RNF150: variants seen among roughly 807,000 people sequenced by gnomAD.
The protein encoded by RNF150 is ring finger protein 150.
A neutral mutation model predicts 39.3 loss-of-function variants in RNF150; 24 were observed. That is an observed-to-expected ratio of 0.61 (90% CI 0.44 to 0.86). RNF150 has a LOEUF of 0.86. RNF150 is among the 40% of genes least tolerant of loss of function. The probability of loss-of-function intolerance (pLI) is 0.00; values close to 1 mark genes in which losing one functional copy is unlikely to be tolerated. For missense variants in RNF150, 502 were observed against 587.8 expected, an observed-to-expected ratio of 0.85 and a Z score of 1.51; for synonymous variants, 255 against 227.3, an observed-to-expected ratio of 1.12 and a Z score of -1.10.
intron 1 of RNF150, among the ~76,000 whole-genome samples, chr4:141,145,708 G>A (rs1727189566): frequency 6.6e-6 from 1 of 152,086 alleles, no homozygotes; most frequent in South Asian, 2.1e-4. Context: ...ATTTTTGGAT[G>A]TATAAACCAA....
intron 1 of RNF150, among the ~76,000 whole-genome samples, chr4:141,190,229 A>C (rs1728083705): frequency 6.6e-6 from 1 of 152,084 alleles, no homozygotes; most frequent in Non-Finnish European, 1.5e-5. Flanking sequence ...CACCTTCTGC[A>C]TTGGTCTCGC....
chr4:140,959,572 T>C (rs558106054), intron 2 of RNF150, among the ~76,000 whole-genome samples: 1 of 151,586 alleles, frequency 6.6e-6, no homozygotes, highest in African/African-American at 2.4e-5. Context: ...CAAAGGAAAA[T>C]GGTCTCAAGA....
At chr4:141,137,567 T>C (rs1727047427), upstream of RNF150, among the ~76,000 whole-genome samples, 1 of 152,174 alleles carries the variant, frequency 6.6e-6, no homozygotes, top group Admixed American at 6.5e-5. Context: ...GAGATGAAGA[T>C]GATTGCAAGA....
intron 1 of RNF150, among the ~76,000 whole-genome samples, chr4:141,084,538 CT>C (rs556843392): frequency 1.2e-4 from 18 of 152,208 alleles, no homozygotes; most frequent in African/African-American, 4.1e-4. Context: ...ACGAAAAACA[CT>C]TTTTTCCCCC....
intron 1 of RNF150, among the ~76,000 whole-genome samples, chr4:141,068,712 G>A (rs1486772864): frequency 6.9e-6 from 1 of 145,650 alleles, no homozygotes; most frequent in Non-Finnish European, 1.5e-5. Context: ...TCTTCCATTT[G>A]TTTTTATCCT....
intron 1 of RNF150, among the ~76,000 whole-genome samples, chr4:141,019,050 ATATATATATATAT>A (rs1467019907): frequency 3.7e-4 from 3 of 8,094 alleles, no homozygotes; most frequent in African/African-American, 6.9e-4. Flanking sequence ...ATATATATAT[ATATATATATATAT>A]ATATATATAT....
chr4:140,886,211 A>G (rs1046189821), intron 6 of RNF150, among the ~76,000 whole-genome samples: 4 of 151,420 alleles, frequency 2.6e-5, no homozygotes, highest in Non-Finnish European at 5.9e-5. Flanking sequence ...AAAAAAAAAA[A>G]GAAAAGTATG....
intron 3 of RNF150, among the ~76,000 whole-genome samples, chr4:140,948,372 T>G (rs1301914070): frequency 6.6e-6 from 1 of 152,184 alleles, no homozygotes; most frequent in Non-Finnish European, 1.5e-5. Context: ...CAATACCTGC[T>G]TATATATGGA....
At chr4:140,957,464 T>C (rs1732807697) in intron 2 of RNF150, among the ~76,000 whole-genome samples, 1 of 152,186 alleles carries the variant, frequency 6.6e-6, no homozygotes, top group Non-Finnish European at 1.5e-5. Context: ...GACTGTAAAC[T>C]GGTTCAACCA....
intron 1 of RNF150, among the ~76,000 whole-genome samples, chr4:141,156,569 C>G (rs1727403845): frequency 6.6e-6 from 1 of 152,058 alleles, no homozygotes; most frequent in Admixed American, 6.6e-5. Context: ...GCATGAGTCA[C>G]TGCTCCTGGC....
chr4:141,062,670 T>C (rs763881147), intron 1 of RNF150, among the ~76,000 whole-genome samples: 1 of 152,230 alleles, frequency 6.6e-6, no homozygotes, highest in African/African-American at 2.4e-5. Context: ...ATATTCTTAA[T>C]TTTATAATTT....
chr4:140,876,535 G>T (rs1729161458), intron 6 of RNF150, among the ~76,000 whole-genome samples: 1 of 152,234 alleles, frequency 6.6e-6, no homozygotes, highest in African/African-American at 2.4e-5. Context: ...TTTCCTCAGA[G>T]GGTATGCAAT....
chr4:140,975,776 G>C (rs73857157), intron 1 of RNF150, among the ~76,000 whole-genome samples: 2,769 of 152,202 alleles, frequency 0.018, 75 homozygotes, highest in African/African-American at 0.063. Flanking sequence ...CAAGCACCAA[G>C]AAACAACCAA....
At chr4:140,885,240 G>A (rs1729521707) in intron 6 of RNF150, among the ~76,000 whole-genome samples, 1 of 134,984 alleles carries the variant, frequency 7.4e-6, no homozygotes, top group Non-Finnish European at 1.5e-5. Flanking sequence ...TTGCTCTGTC[G>A]CCCAGGCTGG....
intron 1 of RNF150, among the ~76,000 whole-genome samples, chr4:141,066,624 C>T (rs548637305): frequency 2.0e-5 from 3 of 152,252 alleles, no homozygotes; most frequent in South Asian, 2.1e-4. Context: ...AATAAGCTGA[C>T]GATATTTCTA....
chr4:141,122,943 A>C (rs1365951843), intron 1 of RNF150, among the ~76,000 whole-genome samples: 1 of 152,220 alleles, frequency 6.6e-6, no homozygotes, highest in Non-Finnish European at 1.5e-5. Flanking sequence ...TTGGTTACAA[A>C]CCTTTTTGAC....
intron 1 of RNF150, among the ~76,000 whole-genome samples, chr4:140,996,263 T>A (rs1734373772): frequency 1.3e-5 from 2 of 152,190 alleles, no homozygotes; most frequent in South Asian, 4.1e-4. Flanking sequence ...CTGTGTGCCA[T>A]TTGTATGTCT....
intron 1 of RNF150, among the ~76,000 whole-genome samples, chr4:141,063,465 T>C (rs907139349): frequency 2.0e-5 from 3 of 152,214 alleles, no homozygotes; most frequent in Non-Finnish European, 4.4e-5. Context: ...ATCTTTATGG[T>C]AAAGCTACTA....
intron 1 of RNF150, among the ~76,000 whole-genome samples, chr4:141,109,589 G>T (rs761686249): frequency 6.6e-6 from 1 of 151,928 alleles, no homozygotes; most frequent in Admixed American, 6.6e-5. Context: ...TTAGAAAAGA[G>T]GTAAAATTTA....
Sources: allele counts gnomAD v4.1 joint callset (sites outside exome capture counted in the v4.1 genomes callset), GRCh38; gene constraint gnomAD v4.1.1; transcripts MANE v1.5; gene names NCBI Gene and HGNC (gene_info 2026-07-23, HGNC 2026-07-21).